ATRNL1: variants seen among roughly 807,000 people sequenced by gnomAD.
The protein encoded by ATRNL1 is attractin like 1.
A neutral mutation model predicts 182.7 loss-of-function variants in ATRNL1; 95 were observed. The observed-to-expected ratio is 0.52, with a 90% CI of 0.44 to 0.62. The LOEUF is 0.62. ATRNL1 is among the 20% of genes least tolerant of loss of function. The pLI is 0.00. For synonymous variants in ATRNL1, 576 were observed against 568.3 expected, an observed-to-expected ratio of 1.01 and a Z score of -0.19; for missense variants, 1,471 against 1,679.5, an observed-to-expected ratio of 0.88 and a Z score of 2.17.
chr10:115,392,779 G>A (rs1564993617), intron 19 of ATRNL1, among the ~76,000 whole-genome samples: 1 of 152,034 alleles, frequency 6.6e-6, no homozygotes, highest in South Asian at 2.1e-4. Flanking sequence ...TTCCTGTTCT[G>A]GCAACTTTTA....
intron 9 of ATRNL1, among the ~76,000 whole-genome samples, chr10:115,236,234 G>A (rs567064405): frequency 5.4e-4 from 82 of 152,230 alleles, no homozygotes; most frequent in Non-Finnish European, 6.3e-4. Context: ...TAAAAACTAA[G>A]ATTAGAGAAC....
At chr10:115,841,111 G>T (rs1295760304) in intron 27 of ATRNL1, among the ~76,000 whole-genome samples, 3 of 152,020 alleles carry the variant, frequency 2.0e-5, no homozygotes, top group Non-Finnish European at 4.4e-5. Context: ...AACTTTTAAG[G>T]ATAATCTATT....
chr10:115,579,402 G>T (rs2804190), intron 26 of ATRNL1, among the ~76,000 whole-genome samples: 73,810 of 151,384 alleles, frequency 0.49, 19,179 homozygotes, highest in East Asian at 0.84. Context: ...TTATTATGTC[G>T]TCTTGATAGA....
chr10:115,918,723 C>G (rs1952955030), intron 28 of ATRNL1, among the ~76,000 whole-genome samples: 1 of 152,090 alleles, frequency 6.6e-6, no homozygotes, highest in African/African-American at 2.4e-5. Flanking sequence ...GTAGTATGGG[C>G]TTTAGGTGCT....
intron 9 of ATRNL1, among the ~76,000 whole-genome samples, chr10:115,223,929 A>ATATATATATTTTTT (rs1420143943): frequency 4.2e-4 from 19 of 44,732 alleles, no homozygotes; most frequent in African/African-American, 8.3e-4. Flanking sequence ...ATATATATAT[A>ATATATATATTTTTT]TTTTTTTTTT....
chr10:115,856,449 A>AAAAAAAAAAAAAAAC (rs1565439910), intron 28 of ATRNL1, among the ~76,000 whole-genome samples: 1 of 147,860 alleles, frequency 6.8e-6, no homozygotes, highest in African/African-American at 2.5e-5. Flanking sequence ...AAAAAAAAAA[A>AAAAAAAAAAAAAAAC]AGCCATACAT....
Position 115,241,779 on chromosome 10 carries a change from A to C in ATRNL1, c.1687+54A>C, listed in dbSNP as rs1483035763. ...AGGAAATATCAGAAATTTTCCATATAGATATTCTCAAATACATTAATTGAT... is the reference window on the plus strand; with the variant it reads ...AGGAAATATCAGAAATTTTCCATATCGATATTCTCAAATACATTAATTGAT... On this transcript the variant is annotated intron_variant, in intron 10 of 28. Transcript: ENST00000355044. The C allele has an allele frequency of 2.1e-6, 3 of 1,457,150 alleles. No homozygotes were observed. In the African/African-American group the frequency reaches 4.2e-5, roughly 20 times the overall value. 90.3% of individuals were successfully genotyped at this position (1,457,150 alleles called of 1,614,324 possible).
At chr10:115,921,232 G>C (rs1953050155) in intron 28 of ATRNL1, among the ~76,000 whole-genome samples, 1 of 152,092 alleles carries the variant, frequency 6.6e-6, no homozygotes, top group Admixed American at 6.5e-5. Context: ...AAAAGGGGTG[G>C]TTTAAAAAGA....
chr10:115,134,658 A>C (rs1261741785), intron 5 of ATRNL1, among the ~76,000 whole-genome samples: 1 of 152,194 alleles, frequency 6.6e-6, no homozygotes, highest in Non-Finnish European at 1.5e-5. Context: ...CAATAGAAAA[A>C]GAGGGAATCC....
At chr10:115,311,952 A>G (rs1289809782) in intron 17 of ATRNL1, among the ~76,000 whole-genome samples, 1 of 151,092 alleles carries the variant, frequency 6.6e-6, no homozygotes, top group Non-Finnish European at 1.5e-5. Flanking sequence ...TTCCATTGGC[A>G]TTGAATATCT....
chr10:115,925,845 C>T (rs573805986), intron 28 of ATRNL1, among the ~76,000 whole-genome samples: 476 of 152,144 alleles, frequency 3.1e-3, no homozygotes, highest in Non-Finnish European at 5.7e-3. Context: ...CAATATTAGA[C>T]GGATCAATGA....
intron 20 of ATRNL1, among the ~76,000 whole-genome samples, chr10:115,400,081 C>G (rs114935285): frequency 0.014 from 2,079 of 151,876 alleles, 51 homozygotes; most frequent in African/African-American, 0.046. Context: ...AACAAATTTA[C>G]AAGAAAAAAC....
At chr10:115,462,644 C>G (rs1847872614) in intron 22 of ATRNL1, among the ~76,000 whole-genome samples, 1 of 151,938 alleles carries the variant, frequency 6.6e-6, no homozygotes, top group Admixed American at 6.6e-5. Context: ...CTAATGAATT[C>G]AAAGCATACT....
chr10:115,526,289 G>C (rs559176548), intron 25 of ATRNL1, among the ~76,000 whole-genome samples: 1 of 152,142 alleles, frequency 6.6e-6, no homozygotes, highest in African/African-American at 2.4e-5. Flanking sequence ...TCATCCTGCT[G>C]GTCATTCATG....
intron 26 of ATRNL1, among the ~76,000 whole-genome samples, chr10:115,705,168 A>G (rs7086114): frequency 0.38 from 57,462 of 151,784 alleles, 11,814 homozygotes; most frequent in East Asian, 0.66. Context: ...TAAATATCTC[A>G]TTTATGTTTC....
intron 6 of ATRNL1, among the ~76,000 whole-genome samples, chr10:115,163,966 T>A (rs1846919844): frequency 6.6e-6 from 1 of 152,178 alleles, no homozygotes; most frequent in South Asian, 2.1e-4. Context: ...TGGTAACCCT[T>A]ACCTTTCTTG....
intron 24 of ATRNL1, among the ~76,000 whole-genome samples, chr10:115,480,298 T>C (rs1848708848): frequency 1.3e-5 from 2 of 151,060 alleles, no homozygotes; most frequent in Non-Finnish European, 3.0e-5. Flanking sequence ...ACATATGATT[T>C]GAAAAGTGGC....
At chr10:115,753,490 G>A (rs1052412928) in intron 27 of ATRNL1, among the ~76,000 whole-genome samples, 2 of 152,030 alleles carry the variant, frequency 1.3e-5, no homozygotes, top group Non-Finnish European at 1.5e-5. Context: ...CCATGTCCCT[G>A]CAAAGGATGT....
At chr10:115,569,708 G>T (rs1555002903) in intron 26 of ATRNL1, among the ~76,000 whole-genome samples, 1 of 151,318 alleles carries the variant, frequency 6.6e-6, no homozygotes, top group Non-Finnish European at 1.5e-5. Context: ...CCTTGAGTAG[G>T]ATAACTGTTT....
Sources: allele counts gnomAD v4.1 joint callset (sites outside exome capture counted in the v4.1 genomes callset), GRCh38; gene constraint gnomAD v4.1.1; transcripts MANE v1.5; gene names NCBI Gene and HGNC (gene_info 2026-07-23, HGNC 2026-07-21).